MRTFA: variants seen among roughly 807,000 people sequenced by gnomAD.
MRTFA encodes myocardin related transcription factor A, also known as myocardin-related transcription factor A.
A neutral mutation model predicts 83.5 loss-of-function variants in MRTFA; 20 were observed. The ratio of observed to expected loss-of-function variants is 0.24; its 90% CI spans 0.17 to 0.35. The LOEUF is 0.35. MRTFA is among the 10% of genes least tolerant of loss of function. MRTFA has a pLI of 1.00. For synonymous variants in MRTFA, 659 were observed against 541.2 expected, an observed-to-expected ratio of 1.22 and a Z score of -3.02; for missense variants, 1,200 against 1,224.7, an observed-to-expected ratio of 0.98 and a Z score of 0.30.
At chr22:40,538,129 G>T (rs1430862053) in intron 3 of MRTFA, among the ~76,000 whole-genome samples, 24 of 28,922 alleles carry the variant, frequency 8.3e-4, no homozygotes, top group East Asian at 2.2e-3. Flanking sequence ...ATAGAAAGGC[G>T]GGAAAGGTGG....
At chr22:40,551,093 G>A (rs1011960727) in intron 3 of MRTFA, among the ~76,000 whole-genome samples, 37 of 151,424 alleles carry the variant, frequency 2.4e-4, no homozygotes, top group African/African-American at 6.5e-4. Flanking sequence ...TCAGGGATCC[G>A]CCCGCCTCGG....
chr22:40,532,221 A>G (rs2055093872), intron 3 of MRTFA, among the ~76,000 whole-genome samples: 1 of 152,214 alleles, frequency 6.6e-6, no homozygotes, highest in Admixed American at 6.5e-5. Context: ...AAGAAAGCAA[A>G]CAATCTTTTA....
intron 2 of MRTFA, among the ~76,000 whole-genome samples, chr22:40,562,126 A>G (rs1390862166): frequency 6.6e-6 from 1 of 151,912 alleles, no homozygotes; most frequent in Non-Finnish European, 1.5e-5. Flanking sequence ...CTGAGGCCGG[A>G]GAACGGCGTG....
At chr22:40,534,416 C>A (rs2055132265) in intron 3 of MRTFA, among the ~76,000 whole-genome samples, 1 of 152,194 alleles carries the variant, frequency 6.6e-6, no homozygotes, top group Non-Finnish European at 1.5e-5. Flanking sequence ...GACATACGGT[C>A]TGTGAATAGA....
intron 11 of MRTFA, among the ~76,000 whole-genome samples, chr22:40,420,089 T>A (rs2052796297): frequency 6.6e-6 from 1 of 152,226 alleles, no homozygotes; most frequent in South Asian, 2.1e-4. Flanking sequence ...CAATCCCCAC[T>A]TCTCACACTG....
intron 3 of MRTFA, among the ~76,000 whole-genome samples, chr22:40,498,273 ATTTTTTTTTT>A (rs1189933906): frequency 2.4e-5 from 1 of 40,982 alleles, no homozygotes; most frequent in Non-Finnish European, 4.2e-5. Context: ...ATATATATAT[ATTTTTTTTTT>A]TTTTTTTTTT....
At chr22:40,631,785 A>G (rs1053169811) in intron 1 of MRTFA, among the ~76,000 whole-genome samples, 3 of 152,234 alleles carry the variant, frequency 2.0e-5, no homozygotes, top group African/African-American at 7.2e-5. Context: ...CACAATAAAT[A>G]TTTATAAATA....
chr22:40,457,458 G>GAAAGAA (rs1019368875), intron 4 of MRTFA, among the ~76,000 whole-genome samples: 6 of 142,746 alleles, frequency 4.2e-5, no homozygotes, highest in Non-Finnish European at 9.0e-5. Flanking sequence ...AAGAAAGAAA[G>GAAAGAA]AAAGAAAGAA....
chr22:40,559,727 G>A (rs1180220838), intron 2 of MRTFA, among the ~76,000 whole-genome samples: 1 of 152,104 alleles, frequency 6.6e-6, no homozygotes, highest in African/African-American at 2.4e-5. Flanking sequence ...ATTTTTAATA[G>A]TTTAAAGAAA....
intron 3 of MRTFA, among the ~76,000 whole-genome samples, chr22:40,473,876 G>C (rs1346736377): frequency 2.6e-5 from 4 of 152,278 alleles, no homozygotes; most frequent in Non-Finnish European, 5.9e-5. Context: ...AGGCTGTTCA[G>C]AACACTCACC....
intron 2 of MRTFA, among the ~76,000 whole-genome samples, chr22:40,558,205 T>C (rs1387787639): frequency 7.1e-6 from 1 of 141,656 alleles, no homozygotes; most frequent in Non-Finnish European, 1.5e-5. Flanking sequence ...CCCCCATCAG[T>C]CCCACAAGTA....
chr22:40,635,544 GC>G (rs1200532520), intron 1 of MRTFA, among the ~76,000 whole-genome samples: 1 of 152,104 alleles, frequency 6.6e-6, no homozygotes, highest in African/African-American at 2.4e-5. Flanking sequence ...CCAAACAGAG[GC>G]TGGCAAGCAA....
chr22:40,581,952 C>T (rs1420455551), intron 2 of MRTFA, among the ~76,000 whole-genome samples: 2 of 152,126 alleles, frequency 1.3e-5, no homozygotes, highest in Non-Finnish European at 2.9e-5. Flanking sequence ...TTCGCCCTTT[C>T]GAAGTATTCA....
At chr22:40,490,104 A>C (rs1246169950) in intron 3 of MRTFA, among the ~76,000 whole-genome samples, 1 of 152,134 alleles carries the variant, frequency 6.6e-6, no homozygotes, top group Admixed American at 6.6e-5. Flanking sequence ...TAACACAGAT[A>C]TTTTTAATGA....
chr22:40,479,036 T>C (rs1050172775), intron 3 of MRTFA, among the ~76,000 whole-genome samples: 1 of 152,072 alleles, frequency 6.6e-6, no homozygotes, highest in African/African-American at 2.4e-5. Flanking sequence ...AAGTCCTCAG[T>C]AAGGTTTTCC....
At chr22:40,498,271 A>ATTTTTTTTTTTTTTT (rs1234326781) in intron 3 of MRTFA, among the ~76,000 whole-genome samples, 2 of 81,628 alleles carry the variant, frequency 2.5e-5, no homozygotes, top group African/African-American at 5.7e-5. Context: ...ATATATATAT[A>ATTTTTTTTTTTTTTT]TATTTTTTTT....
At position 40,411,629 on chromosome 22, in the gene MRTFA, T is replaced by C; in HGVS notation, c.2857A>G (p.Ile953Val). Residue 953 changes from isoleucine to valine, a missense_variant, in exon 15 of 15, where the codon ATC (isoleucine) becomes GTC (valine). Ile to Val is a conservative substitution (Grantham distance 29). Around this residue, in one of 2 missense-constraint regions of MRTFA, gnomAD observed 1,107 missense variants for 1,041.8 expected, o/e 1.06. Transcript: ENST00000355630. ...ATGGGTGACGGGGGGTGGTCCAGGA[T>C]GGCAGTGCTGCTCAGCATCTGGCTA... 6.2e-7 allele frequency: 1 copy of C among 1,613,598 alleles called. No individual in the cohort carries two copies. The highest frequency in any genetic ancestry group is 8.5e-7 in the Non-Finnish European group (1 of 1,179,970).
At chr22:40,417,204 C>T in intron 13 of MRTFA, 137 bp downstream of exon 13, 1 of 1,387,750 alleles carries the variant, frequency 7.2e-7, no homozygotes, top group East Asian at 2.5e-5. Flanking sequence ...CCCCTAACAA[C>T]CCACTCCCCA....
chr22:40,414,986 G>A (rs1332959409), intron 14 of MRTFA: 1 of 149,670 alleles, frequency 6.7e-6, no homozygotes, highest in Non-Finnish European at 1.5e-5. Flanking sequence ...GCTCTCACCA[G>A]GCAAGGAGGT....
Sources: allele counts gnomAD v4.1 joint callset (sites outside exome capture counted in the v4.1 genomes callset), GRCh38; gene constraint gnomAD v4.1.1; regional missense constraint gnomAD v4.1.1; transcripts MANE v1.5; gene names NCBI Gene and HGNC (gene_info 2026-07-23, HGNC 2026-07-21).